Variants in CPPED1 observed in about 807,000 individuals in gnomAD.
CPPED1 encodes calcineurin like phosphoesterase domain containing 1, also known as serine/threonine-protein phosphatase CPPED1.
Under a neutral mutation model 28.0 loss-of-function variants are expected in CPPED1, and 28 were observed. That is an observed-to-expected ratio of 1.00 (90% confidence interval 0.74 to 1.37). CPPED1 has a LOEUF of 1.37. Ranked by LOEUF, CPPED1 falls within the 40% of genes most tolerant of loss-of-function variation. The probability of loss-of-function intolerance (pLI) is 0.00; values close to 1 mark genes in which losing one functional copy is unlikely to be tolerated. For missense variants in CPPED1, 504 were observed against 416.5 expected (o/e 1.21, Z -1.83); for synonymous variants, 198 against 180.2 (o/e 1.10, Z -0.79).
intron 3 of CPPED1, among the ~76,000 whole-genome samples, chr16:12,685,847 T>C (rs1004477032): frequency 6.6e-6 from 1 of 152,234 alleles, no homozygotes; most frequent in Non-Finnish European, 1.5e-5. Context: ...CGGGGGTGTC[T>C]GAGAAAGGTT....
chr16:12,729,949 C>T (rs1245934458), intron 2 of CPPED1, among the ~76,000 whole-genome samples: 1 of 152,140 alleles, frequency 6.6e-6, no homozygotes, highest in African/African-American at 2.4e-5. Flanking sequence ...GCAACCTCAA[C>T]CTCCTGGGCT....
At chr16:12,724,988 G>A (rs754664333) in intron 2 of CPPED1, among the ~76,000 whole-genome samples, 11 of 151,598 alleles carry the variant, frequency 7.3e-5, no homozygotes, top group Admixed American at 1.3e-4. Context: ...GGGTTGCACT[G>A]TGTTAGCCAG....
At chr16:12,712,575 A>G (rs1012460619) in intron 2 of CPPED1, among the ~76,000 whole-genome samples, 1 of 152,216 alleles carries the variant, frequency 6.6e-6, no homozygotes, top group East Asian at 1.9e-4. Flanking sequence ...GATAATATGT[A>G]TAGAGTAATA....
At chr16:12,736,428 C>G (rs1009116828) in intron 2 of CPPED1, among the ~76,000 whole-genome samples, 6 of 151,874 alleles carry the variant, frequency 4.0e-5, no homozygotes, top group Admixed American at 6.6e-5. Context: ...TTAGTAGAGA[C>G]AGGTTTTGCC....
At position 12,684,155 on chromosome 16, in the gene CPPED1, C is replaced by T. The variant is rs530612579; in HGVS notation, c.716-19040G>A. ...GCCATGCTAGTGCCCTGAACAAAACCTGCTCTGTTAGGAAGGAACGCAGAG... is the reference window on the plus strand; with the variant it reads ...GCCATGCTAGTGCCCTGAACAAAACTTGCTCTGTTAGGAAGGAACGCAGAG... On this transcript the variant is annotated intron_variant, in intron 3 of 3. Transcript: ENST00000381774. Among the ~76,000 whole-genome samples the T allele has an allele frequency of 1.6e-4, 25 of 152,304 alleles. No homozygotes were observed. In the Middle Eastern group the frequency reaches 0.01, roughly 62 times the overall value.
intron 2 of CPPED1, among the ~76,000 whole-genome samples, chr16:12,723,872 CA>C (rs1478208338): frequency 6.6e-6 from 1 of 152,090 alleles, no homozygotes; most frequent in Non-Finnish European, 1.5e-5. Flanking sequence ...CCACTGCCTC[CA>C]CCACACGGGG....
chr16:12,732,475 A>AACACAC (rs199927875), intron 2 of CPPED1, among the ~76,000 whole-genome samples: 146 of 142,446 alleles, frequency 1.0e-3, no homozygotes, highest in African/African-American at 3.7e-3. Flanking sequence ...CAAACACACA[A>AACACAC]ACACACACAC....
intron 2 of CPPED1, among the ~76,000 whole-genome samples, chr16:12,724,063 T>C (rs7190922): frequency 0.81 from 123,429 of 152,058 alleles, 50,420 homozygotes; most frequent in African/African-American, 0.91. Context: ...CCCAAATAAC[T>C]TGTGATGTAT....
chr16:12,795,106 G>T (rs569125867), intron 1 of CPPED1, among the ~76,000 whole-genome samples: 1 of 152,346 alleles, frequency 6.6e-6, no homozygotes, highest in South Asian at 2.1e-4. Context: ...TAACAAGACA[G>T]CAGGCAGCTG....
intron 3 of CPPED1, among the ~76,000 whole-genome samples, chr16:12,697,288 T>C (rs770212421): frequency 7.9e-5 from 12 of 152,194 alleles, no homozygotes; most frequent in African/African-American, 1.2e-4. Context: ...TTCTTTAAAT[T>C]GATAAGCTAG....
intron 1 of CPPED1, among the ~76,000 whole-genome samples, chr16:12,782,513 G>C (rs2080537999): frequency 6.6e-6 from 1 of 151,018 alleles, no homozygotes; most frequent in East Asian, 2.0e-4. Context: ...AGCGCTTAGT[G>C]GTGGGACAGA....
At chr16:12,773,968 G>A (rs1421440252) in intron 2 of CPPED1, among the ~76,000 whole-genome samples, 1 of 152,124 alleles carries the variant, frequency 6.6e-6, no homozygotes, top group Non-Finnish European at 1.5e-5. Flanking sequence ...CAGCACAGTG[G>A]CATCACTGGA....
chr16:12,782,852 C>T (rs144450377), intron 1 of CPPED1, among the ~76,000 whole-genome samples: 1 of 151,152 alleles, frequency 6.6e-6, no homozygotes, highest in Non-Finnish European at 1.5e-5. Flanking sequence ...GCCTGGGTGA[C>T]AGAATGAGAC....
chr16:12,773,423 C>T (rs2080480730), intron 2 of CPPED1, among the ~76,000 whole-genome samples: 2 of 152,126 alleles, frequency 1.3e-5, no homozygotes, highest in Admixed American at 1.3e-4. Flanking sequence ...ACATTTAATA[C>T]ATTAAAAAGT....
intron 3 of CPPED1, among the ~76,000 whole-genome samples, chr16:12,671,494 G>C (rs757462024): frequency 3.9e-5 from 6 of 152,124 alleles, no homozygotes; most frequent in Admixed American, 1.3e-4. Flanking sequence ...GGTGAGTGGG[G>C]TTCTGGGAGG....
At chr16:12,748,810 G>A (rs1358640986) in intron 2 of CPPED1, among the ~76,000 whole-genome samples, 1 of 150,718 alleles carries the variant, frequency 6.6e-6, no homozygotes, top group Non-Finnish European at 1.5e-5. Flanking sequence ...TTGAACCCAG[G>A]AGGCAGAGGC....
intron 2 of CPPED1, among the ~76,000 whole-genome samples, chr16:12,766,314 GGTATT>G (rs1473644168): frequency 6.7e-5 from 10 of 150,144 alleles, no homozygotes; most frequent in African/African-American, 2.5e-4. Flanking sequence ...GAGAGAGCTG[GGTATT>G]GTATTAGTAC....
At chr16:12,686,941 G>A (rs1296247354) in intron 3 of CPPED1, among the ~76,000 whole-genome samples, 3 of 152,050 alleles carry the variant, frequency 2.0e-5, no homozygotes, top group Non-Finnish European at 4.4e-5. Flanking sequence ...CATCAGTGGT[G>A]ACTGATTCAG....
intron 2 of CPPED1, among the ~76,000 whole-genome samples, chr16:12,768,595 C>T (rs1015132422): frequency 6.6e-6 from 1 of 152,136 alleles, no homozygotes; most frequent in Non-Finnish European, 1.5e-5. Flanking sequence ...AGAGTATGTG[C>T]GTATGTACAC....
Sources: gnomAD v4.1 joint callset for allele counts (sites outside exome capture counted in the v4.1 genomes callset) on GRCh38, gnomAD v4.1.1 for gene constraint, MANE v1.5 for transcripts, NCBI Gene and HGNC (gene_info 2026-07-23, HGNC 2026-07-21) for gene names.